ADGRB1: variants seen among roughly 807,000 people sequenced by gnomAD.
ADGRB1 encodes adhesion G protein-coupled receptor B1.
In ADGRB1, 36 loss-of-function variants were observed where a neutral mutation model predicts 175.7. That is an observed-to-expected ratio of 0.20 (90% CI 0.16 to 0.27). The LOEUF (loss-of-function observed/expected upper bound fraction) is 0.27, where lower values mean the gene tolerates loss of function less well. Among genes scored for constraint, ADGRB1 ranks in the 10% least tolerant of loss-of-function variants. ADGRB1 has a pLI of 1.00. For missense variants in ADGRB1, 1,731 were observed against 2,255.3 expected (o/e 0.77, Z 4.71); for synonymous variants, 1,054 against 979.4 (o/e 1.08, Z -1.42).
In ADGRB1 at chr8:142,474,774, G is replaced by T. The variant is rs964701932; in HGVS notation, c.785-700G>T. Reference sequence around the variant, plus strand: ...ACTCACTAGAGAAGCTGAACAGAGCGGCCGGGGTCAGGGCAGGGGCGTGGC... The same window carrying T: ...ACTCACTAGAGAAGCTGAACAGAGCTGCCGGGGTCAGGGCAGGGGCGTGGC... On this transcript the variant is annotated intron_variant, in intron 2 of 30. Transcript: ENST00000517894. The surrounding 1 kb of genome is among the most constrained non-coding windows in gnomAD (Gnocchi z 5.8). 1.3e-5 allele frequency among the ~76,000 whole-genome samples: 2 copies of T among 152,170 alleles called. No homozygotes were observed. Among genetic ancestry groups the T allele is most frequent in the East Asian group, 3.9e-4 (2 of 5,184 alleles).
chr8:142,481,478 C>A, intron 10 of ADGRB1, 39 bp from the exon 11 acceptor site: 1 of 1,575,532 alleles, frequency 6.3e-7, no homozygotes. Flanking sequence ...GGACATGTTC[C>A]ACAGAGGTGA....
intron 1 of ADGRB1, among the ~76,000 whole-genome samples, chr8:142,460,507 G>T (rs558133735): frequency 3.3e-5 from 5 of 152,170 alleles, no homozygotes; most frequent in African/African-American, 1.2e-4. Flanking sequence ...CTGGGGAGCC[G>T]GGAAGTAACC....
intron 6 of ADGRB1, 82 bp downstream of exon 6, chr8:142,477,631 C>A (rs1243900150): frequency 2.0e-6 from 3 of 1,488,984 alleles, no homozygotes; most frequent in African/African-American, 2.8e-5. Context: ...GGCCCAGGAG[C>A]CCAGCTTTGC....
At chr8:142,459,080 G>C (rs1839834809) in intron 1 of ADGRB1, among the ~76,000 whole-genome samples, 1 of 152,228 alleles carries the variant, frequency 6.6e-6, no homozygotes, top group Admixed American at 6.5e-5. Flanking sequence ...CCTGTTGCCG[G>C]GATGCCCGGA....
intron 1 of ADGRB1, among the ~76,000 whole-genome samples, chr8:142,463,600 C>T (rs1034531763): frequency 6.6e-6 from 1 of 152,270 alleles, no homozygotes; most frequent in African/African-American, 2.4e-5. Context: ...AGAGGGGCAG[C>T]CACGCAGAGC....
chr8:142,526,709 T>C lies in ADGRB1; in HGVS notation c.3398+82T>C, dbSNP rs1587415841. The C allele has an allele frequency of 1.2e-5, 17 of 1,362,634 alleles. No individual in the cohort carries two copies. The East Asian group carries it at 4.2e-4, about 34-fold the overall frequency. The allele number at this position is 1,362,634 out of a possible 1,614,324, so 84.4% of individuals were successfully genotyped here. The stretch of plus-strand genomic sequence containing the variant: ...CCCAGCCCCGGGGGATGGAGAACGC[T>C]CCATGCCCAATCTGAGACTGCAGGT... On this transcript the variant is annotated intron_variant, in intron 24 of 30. Transcript: ENST00000517894.
At chr8:142,486,116 A>G (rs1841657314) in intron 13 of ADGRB1, among the ~76,000 whole-genome samples, 1 of 152,080 alleles carries the variant, frequency 6.6e-6, no homozygotes, top group African/African-American at 2.4e-5. Context: ...CACACCACAG[A>G]CACCCTGTGC....
intron 1 of ADGRB1, among the ~76,000 whole-genome samples, chr8:142,457,429 G>A (rs1027084880): frequency 3.9e-5 from 6 of 152,202 alleles, no homozygotes; most frequent in South Asian, 2.1e-4. Flanking sequence ...TTCTCTCCCC[G>A]CCAGCAGCTC....
At chr8:142,512,607 A>C (rs1282147246) in intron 18 of ADGRB1, among the ~76,000 whole-genome samples, 1 of 152,196 alleles carries the variant, frequency 6.6e-6, no homozygotes, top group Non-Finnish European at 1.5e-5. Flanking sequence ...GTCTCTGACG[A>C]ACTGTGACCC....
Position 142,488,552 on chromosome 8 carries a change from G to A in ADGRB1, c.2452+45G>A, listed in dbSNP as rs747082824. ...GAGGGGGACCTTCATGGGGGACGTG[G>A]GCCCCAGAGTCGGACGGTCACCACC... On this transcript the variant is annotated intron_variant, in intron 14 of 30. Coordinates refer to ENST00000517894, the MANE Select transcript of ADGRB1 (RefSeq NM_001702.3). 39 of 1,601,158 alleles carry A rather than the reference G, an allele frequency of 2.4e-5. No individual in the cohort carries two copies. In the Admixed American group the frequency reaches 6.4e-4, roughly 26 times the overall value.
chr8:142,499,041 TG>T (rs1842358404), intron 17 of ADGRB1, among the ~76,000 whole-genome samples: 1 of 152,146 alleles, frequency 6.6e-6, no homozygotes, highest in Non-Finnish European at 1.5e-5. Context: ...CCTTTCCTGG[TG>T]GGCAGTGCTA....
chr8:142,502,469 A>ATT (rs373750395), intron 17 of ADGRB1, among the ~76,000 whole-genome samples: 6,510 of 7,034 alleles, frequency 0.93, 3,029 homozygotes, highest in Middle Eastern at 1. Flanking sequence ...TGCAGTCATC[A>ATT]CTGTGGTTTT....
Position 142,544,210 on chromosome 8 carries a change from C to T in ADGRB1, c.4558-10C>T, listed in dbSNP as rs1210390401. On this transcript the variant is annotated splice_polypyrimidine_tract_variant and intron_variant, in intron 30 of 30. Transcript: ENST00000517894. ...GCCCCACCCCTCCTGCACCACGGGC[C>T]ACCCAGCAGCCGGAAAAGCAGCAGA... 5 of 1,548,404 alleles carry T rather than the reference C, an allele frequency of 3.2e-6. No individual in the cohort carries two copies. The highest frequency in any genetic ancestry group is 3.9e-5 in the Admixed American group (2 of 50,928).
At chr8:142,507,405 T>C (rs1298172683) in intron 17 of ADGRB1, among the ~76,000 whole-genome samples, 1 of 152,166 alleles carries the variant, frequency 6.6e-6, no homozygotes, top group East Asian at 1.9e-4. Context: ...GGCCGGGAGC[T>C]TCCTGCTTCC....
At chr8:142,468,958 G>A (rs1840431400) in intron 2 of ADGRB1, among the ~76,000 whole-genome samples, 1 of 152,254 alleles carries the variant, frequency 6.6e-6, no homozygotes, top group South Asian at 2.1e-4. Flanking sequence ...AACAGTACCT[G>A]GGAGCAGCAG....
In ADGRB1 at chr8:142,464,827, A is replaced by G; in HGVS notation, c.629A>G (p.Gln210Arg). Residue 210 changes from glutamine (Q) to arginine (R), a missense_variant, in exon 2 of 31, where the codon CAG (glutamine) becomes CGG (arginine). Transcript: ENST00000517894. The part of the protein sequence containing the change: ...SRSSHPCGIM[Q>R]TPCACLGGEA... ...AGCTCGCACCCCTGCGGGATCATGC[A>G]GACCCCCTGCGCCTGCCTGGGCGGC... The G allele has an allele frequency of 3.9e-6, 6 of 1,532,300 alleles. No individual in the cohort carries two copies. Among genetic ancestry groups the G allele is most frequent in the Non-Finnish European group, 5.2e-6 (6 of 1,144,428 alleles). The allele number at this position is 1,532,300 out of a possible 1,614,324, so 94.9% of individuals were successfully genotyped here.
chr8:142,506,014 C>T (rs957892320), intron 17 of ADGRB1, among the ~76,000 whole-genome samples: 3 of 152,224 alleles, frequency 2.0e-5, no homozygotes, highest in Non-Finnish European at 4.4e-5. Flanking sequence ...GTGCGCCCTA[C>T]CTTAGTGGCG....
chr8:142,501,502 T>A (rs923869276), intron 17 of ADGRB1, among the ~76,000 whole-genome samples: 159 of 14,846 alleles, frequency 0.011, 2 homozygotes, highest in Non-Finnish European at 0.019. Context: ...GGTAGTGATG[T>A]TTGTGTGGTT....
chr8:142,463,527 AGAGAG>A (rs1441260572), intron 1 of ADGRB1, among the ~76,000 whole-genome samples: 1 of 152,238 alleles, frequency 6.6e-6, no homozygotes, highest in Non-Finnish European at 1.5e-5. Flanking sequence ...GAGGAAGGTT[AGAGAG>A]GAGGGACCAA....
Sources: allele counts gnomAD v4.1 joint callset (sites outside exome capture counted in the v4.1 genomes callset), GRCh38; gene constraint gnomAD v4.1.1; non-coding constraint Gnocchi (gnomAD v3.1); transcripts MANE v1.5; gene names NCBI Gene and HGNC (gene_info 2026-07-23, HGNC 2026-07-21).